Variants in NAV2 observed in about 807,000 individuals in gnomAD.
NAV2 encodes helicase, APC down-regulated 1.
A neutral mutation model predicts 223.2 loss-of-function variants in NAV2; 54 were observed. That is an observed-to-expected ratio of 0.24 (90% CI 0.19 to 0.30). The LOEUF is 0.30. Ranked by LOEUF, NAV2 falls within the 10% of genes least tolerant of loss-of-function variation. The pLI, the probability that NAV2 is intolerant of heterozygous loss-of-function variation, is 1.00. For missense variants in NAV2, 2,806 were observed against 3,147.5 expected (o/e 0.89, Z 2.60); for synonymous variants, 1,279 against 1,239.3 (o/e 1.03, Z -0.67).
intron 1 of NAV2, among the ~76,000 whole-genome samples, chr11:19,445,941 A>G (rs1182003157): frequency 1.3e-5 from 2 of 152,138 alleles, no homozygotes; most frequent in African/African-American, 2.4e-5. Context: ...AGATTAAGTC[A>G]CTTGCCCATT....
In NAV2 at chr11:20,102,888, A is replaced by G. The variant is rs76030638; in HGVS notation, c.6418-367A>G. 9.3e-3 allele frequency among the ~76,000 whole-genome samples: 1,416 copies of G among 152,292 alleles called. 11 individuals carry two copies. The highest frequency in any genetic ancestry group is 0.015 in the Non-Finnish European group (1,038 of 68,032). On this transcript the variant is annotated intron_variant, in intron 32 of 37. Transcript: ENST00000349880. ...TGTGTCTGCCACAGCACTACTCAGC[A>G]TGACTTAAGTGTGTGTCTGGCTCCT... is the stretch of plus-strand genomic sequence containing the variant.
intron 3 of NAV2, among the ~76,000 whole-genome samples, chr11:19,867,092 T>A (rs1357083717): frequency 2.0e-5 from 3 of 152,210 alleles, no homozygotes; most frequent in African/African-American, 7.2e-5. Flanking sequence ...AAATAAGGAC[T>A]GATAGTTAAC....
At chr11:19,433,972 AAAGGAAGAGAGAGC>A (rs1462728056) in intron 1 of NAV2, among the ~76,000 whole-genome samples, 3 of 152,252 alleles carry the variant, frequency 2.0e-5, no homozygotes, top group African/African-American at 7.2e-5. Flanking sequence ...GCCAATAGGC[AAAGGAAGAGAGAGC>A]AAGAAGTATC....
rs868596584 is a variant in NAV2, at chr11:19,410,747, T to C, written c.75+59720T>C. 1.3e-4 allele frequency among the ~76,000 whole-genome samples: 20 copies of C among 152,358 alleles called. No homozygotes were observed. In the Middle Eastern group the frequency reaches 0.02, roughly 155 times the overall value. ...ATGACATTCATCCCTGCAGCCAGTG[T>C]TTCCAGGGATCATGGGGAAGAAGAA... On this transcript the variant is annotated intron_variant, in intron 1 of 37. Coordinates refer to the NAV2 transcript ENST00000360655.
rs749870316 is a variant in NAV2 at position 20,055,950 on chromosome 11, TGAAGAAGGTAAGGAAGGAAAG to T, written c.4831+14_4831+34del. ...GTTCAGGCTCATTCCGGGATGGGTT[TGAAGAAGGTAAGGAAGGAAAG>T]GAAGAAGGTAAGGAAGGAAACTTCC... On this transcript the variant is annotated splice_donor_variant and splice_donor_5th_base_variant and coding_sequence_variant and intron_variant, in exon 19 of 38. Transcript: ENST00000349880. LOFTEE classifies it high-confidence loss of function. 4.1e-5 allele frequency: 66 copies of T among 1,613,564 alleles called. No homozygotes were observed. Among genetic ancestry groups the T allele is most frequent in the Admixed American group, 6.7e-5 (4 of 60,000 alleles).
rs567897630 is a variant in NAV2, at chr11:19,497,408, A to T, written c.75+146381A>T. On this transcript the variant is annotated intron_variant, in intron 1 of 37. Transcript: ENST00000360655. Reference sequence around the variant, plus strand: ...GGATTTGGCCCCTTGACAGAGATAGAAGATGCCAGAACATGATGGAAGAAA... The same window carrying T: ...GGATTTGGCCCCTTGACAGAGATAGTAGATGCCAGAACATGATGGAAGAAA... 8.5e-5 allele frequency among the ~76,000 whole-genome samples: 13 copies of T among 152,344 alleles called. No homozygotes were observed. In the South Asian group the frequency reaches 2.5e-3, roughly 29 times the overall value.
chr11:19,860,848 G>T (rs973410299), intron 3 of NAV2, among the ~76,000 whole-genome samples: 1 of 151,474 alleles, frequency 6.6e-6, no homozygotes, highest in South Asian at 2.1e-4. Flanking sequence ...GGCCAACACA[G>T]CGAAACCCCG....
At chr11:19,350,876 C>A in exon 1 of NAV2, 1 of 1,456,450 alleles carries the variant, frequency 6.9e-7, no homozygotes, top group South Asian at 1.2e-5. Context: ...GCATGCATCA[C>A]TTTTGTGTGG....
intron 20 of NAV2, among the ~76,000 whole-genome samples, chr11:20,065,541 A>T (rs2058989127): frequency 6.6e-6 from 1 of 152,242 alleles, no homozygotes; most frequent in African/African-American, 2.4e-5. Context: ...GGAACACTGG[A>T]GTTCCCAGGA....
intron 1 of NAV2, among the ~76,000 whole-genome samples, chr11:19,682,261 T>G (rs1401240455): frequency 2.0e-5 from 3 of 152,226 alleles, no homozygotes; most frequent in Non-Finnish European, 4.4e-5. Flanking sequence ...TAATAATTGC[T>G]TCCACATGCT....
intron 1 of NAV2, among the ~76,000 whole-genome samples, chr11:19,394,246 G>A (rs1350516425): frequency 6.6e-6 from 1 of 152,120 alleles, no homozygotes; most frequent in Non-Finnish European, 1.5e-5. Flanking sequence ...TTTGGGTCCT[G>A]GGAAAGAGGG....
intron 1 of NAV2, among the ~76,000 whole-genome samples, chr11:19,828,967 A>G (rs1565387752): frequency 6.6e-6 from 1 of 152,204 alleles, no homozygotes; most frequent in Non-Finnish European, 1.5e-5. Context: ...GTGGCTCTAT[A>G]ATCGCAGTGT....
intron 11 of NAV2, among the ~76,000 whole-genome samples, chr11:20,023,943 T>G (rs2054788237): frequency 6.6e-6 from 1 of 152,094 alleles, no homozygotes; most frequent in African/African-American, 2.4e-5. Context: ...CCAGGGAGAT[T>G]ACATTCAATT....
intron 1 of NAV2, among the ~76,000 whole-genome samples, chr11:19,558,112 C>G (rs1215441317): frequency 1.3e-5 from 2 of 152,180 alleles, no homozygotes; most frequent in Non-Finnish European, 2.9e-5. Context: ...TATTAGATAA[C>G]TTACTTAAGT....
At chr11:19,866,265 T>C (rs922590498) in intron 3 of NAV2, among the ~76,000 whole-genome samples, 76 of 152,372 alleles carry the variant, frequency 5.0e-4, no homozygotes, top group African/African-American at 1.8e-3. Flanking sequence ...GATGTTTAGC[T>C]ACATCTTGGC....
chr11:19,984,598 G>A (rs1465974471), intron 11 of NAV2, among the ~76,000 whole-genome samples: 3 of 152,166 alleles, frequency 2.0e-5, no homozygotes, highest in South Asian at 2.1e-4. Context: ...AGCTTTCTAG[G>A]TATTGCACCT....
intron 1 of NAV2, among the ~76,000 whole-genome samples, chr11:19,464,522 C>T (rs963815908): frequency 6.6e-5 from 10 of 152,208 alleles, no homozygotes; most frequent in Non-Finnish European, 1.3e-4. Context: ...GGGCAAGTCC[C>T]TTCTCCTCTT....
intron 6 of NAV2, among the ~76,000 whole-genome samples, chr11:19,918,908 C>G (rs2044030864): frequency 6.6e-6 from 1 of 152,174 alleles, no homozygotes; most frequent in African/African-American, 2.4e-5. Context: ...TTTGTCCTTC[C>G]TTCTGCTTTA....
At chr11:19,537,658 T>C (rs1156251435) in intron 1 of NAV2, among the ~76,000 whole-genome samples, 1 of 152,242 alleles carries the variant, frequency 6.6e-6, no homozygotes, top group Non-Finnish European at 1.5e-5. Flanking sequence ...AAGTGTATTC[T>C]AGATATGGTC....
Sources: gnomAD v4.1 joint callset for allele counts (sites outside exome capture counted in the v4.1 genomes callset) on GRCh38, gnomAD v4.1.1 for gene constraint, MANE v1.5 for transcripts, NCBI Gene and HGNC (gene_info 2026-07-23, HGNC 2026-07-21) for gene names.